Variants in COL22A1 observed in about 807,000 individuals in gnomAD.
COL22A1 encodes the protein collagen alpha-1(XXII) chain.
In COL22A1, 221 loss-of-function variants were observed where a neutral mutation model predicts 248.9. That is an observed-to-expected ratio of 0.89 (90% confidence interval 0.80 to 0.99). COL22A1 has a LOEUF of 0.99. Among genes scored for constraint, COL22A1 ranks in the 50% least tolerant of loss-of-function variants. COL22A1 has a pLI of 0.00. For synonymous variants in COL22A1, 891 were observed against 793.4 expected, an observed-to-expected ratio of 1.12 and a Z score of -2.07; for missense variants, 2,240 against 2,179.0, an observed-to-expected ratio of 1.03 and a Z score of -0.56.
At chr8:138,803,011 C>T (rs1451457910) in intron 10 of COL22A1, 77 bp from the exon 11 acceptor site, 10 of 1,149,944 alleles carry the variant, frequency 8.7e-6, no homozygotes, top group African/African-American at 1.5e-5. Context: ...ACCCTCACGG[C>T]CAACCTTGCT....
chr8:138,767,533 C>G (rs1047081825), intron 16 of COL22A1, among the ~76,000 whole-genome samples: 1 of 152,188 alleles, frequency 6.6e-6, no homozygotes, highest in Non-Finnish European at 1.5e-5. Flanking sequence ...TACTCTGATT[C>G]TCATATCCGG....
intron 57 of COL22A1, among the ~76,000 whole-genome samples, chr8:138,606,824 C>T (rs562002574): frequency 2.6e-5 from 4 of 152,230 alleles, no homozygotes; most frequent in African/African-American, 7.2e-5. Flanking sequence ...GGTAGAATCA[C>T]ATTTTGGGAA....
At chr8:138,802,476 C>A (rs1817080656) in intron 11 of COL22A1, among the ~76,000 whole-genome samples, 1 of 151,696 alleles carries the variant, frequency 6.6e-6, no homozygotes, top group South Asian at 2.1e-4. Context: ...GATGAGAACT[C>A]ATGAGCCAAG....
At chr8:138,736,614 G>A (rs968941119) in intron 23 of COL22A1, among the ~76,000 whole-genome samples, 23 of 152,204 alleles carry the variant, frequency 1.5e-4, no homozygotes, top group Middle Eastern at 3.4e-3. Flanking sequence ...CCACATGGCC[G>A]GCACTAGGAT....
At chr8:138,724,781 G>A in intron 24 of COL22A1, 113 bp from the exon 25 acceptor site, 4 of 970,984 alleles carry the variant, frequency 4.1e-6, no homozygotes, top group East Asian at 2.4e-5. Context: ...AGGGCACCCT[G>A]GGGCCTCTAC....
At chr8:138,877,684 C>T (rs990282165) in intron 3 of COL22A1, 66 bp downstream of exon 3, 2 of 1,463,646 alleles carry the variant, frequency 1.4e-6, no homozygotes, top group South Asian at 1.4e-5. Flanking sequence ...CCCGAGGACC[C>T]CTCCCGTGGG....
intron 4 of COL22A1, among the ~76,000 whole-genome samples, chr8:138,843,534 G>C (rs1821031218): frequency 6.6e-6 from 1 of 152,172 alleles, no homozygotes; most frequent in African/African-American, 2.4e-5. Context: ...CTGGATCCAT[G>C]TTCGGGTAAT....
chr8:138,757,690 C>T (rs557745260), intron 18 of COL22A1, among the ~76,000 whole-genome samples: 6 of 152,366 alleles, frequency 3.9e-5, no homozygotes, highest in South Asian at 2.1e-4. Flanking sequence ...GATTCACTCT[C>T]GTTCCCTATG....
At chr8:138,863,420 G>A (rs1822634380) in intron 3 of COL22A1, among the ~76,000 whole-genome samples, 1 of 152,200 alleles carries the variant, frequency 6.6e-6, no homozygotes, top group Non-Finnish European at 1.5e-5. Context: ...GCAGTGAGGA[G>A]GGCGATGAGC....
At chr8:138,849,425 G>A (rs1043763459) in intron 3 of COL22A1, among the ~76,000 whole-genome samples, 1 of 152,166 alleles carries the variant, frequency 6.6e-6, no homozygotes, top group African/African-American at 2.4e-5. Context: ...AAGAAAGGGG[G>A]ACTAACTTCT....
At chr8:138,844,478 A>G (rs1166154331) in intron 3 of COL22A1, among the ~76,000 whole-genome samples, 1 of 152,228 alleles carries the variant, frequency 6.6e-6, no homozygotes, top group Non-Finnish European at 1.5e-5. Flanking sequence ...ACATAGCGGA[A>G]TAAGTTGTAG....
intron 61 of COL22A1, among the ~76,000 whole-genome samples, chr8:138,597,655 C>T (rs1817651375): frequency 1.3e-5 from 2 of 152,248 alleles, no homozygotes; most frequent in African/African-American, 2.4e-5. Context: ...AGGGCACTGT[C>T]TACCCCTCAA....
intron 47 of COL22A1, among the ~76,000 whole-genome samples, chr8:138,640,519 T>A (rs1410627998): frequency 6.6e-6 from 1 of 152,122 alleles, no homozygotes; most frequent in African/African-American, 2.4e-5. Flanking sequence ...AACCCTCCAA[T>A]GCAATTAAAA....
At chr8:138,846,730 T>A (rs1028311316) in intron 3 of COL22A1, among the ~76,000 whole-genome samples, 1 of 152,202 alleles carries the variant, frequency 6.6e-6, no homozygotes, top group African/African-American at 2.4e-5. Context: ...GGCCAAGATA[T>A]CCCCACATCT....
intron 6 of COL22A1, among the ~76,000 whole-genome samples, chr8:138,822,649 A>G (rs1346375237): frequency 6.6e-6 from 1 of 152,104 alleles, no homozygotes; most frequent in Non-Finnish European, 1.5e-5. Flanking sequence ...CTGACCTTTT[A>G]GGACTTCTTC....
At chr8:138,892,662 A>G (rs1340479884) in intron 1 of COL22A1, among the ~76,000 whole-genome samples, 1 of 152,230 alleles carries the variant, frequency 6.6e-6, no homozygotes, top group Admixed American at 6.5e-5. Context: ...CAATTAATTT[A>G]GTGAGCTGAG....
chr8:138,728,054 A>G (rs995397905), intron 23 of COL22A1, among the ~76,000 whole-genome samples: 1 of 152,134 alleles, frequency 6.6e-6, no homozygotes. Flanking sequence ...GTTTTTTGAG[A>G]TAGGGTCTTG....
chr8:138,767,500 A>G (rs371536733), intron 16 of COL22A1, among the ~76,000 whole-genome samples: 43 of 152,226 alleles, frequency 2.8e-4, no homozygotes, highest in African/African-American at 9.6e-4. Context: ...AAAAGGAAAA[A>G]GCCAGCTGTA....
chr8:138,826,682 G>C lies in COL22A1; in HGVS notation c.945C>G (p.Val315=). 6.2e-7 allele frequency: 1 copy of C among 1,613,878 alleles called. No individual in the cohort carries two copies. Among genetic ancestry groups the C allele is most frequent in the East Asian group, 2.2e-5 (1 of 44,864 alleles). ...CCTGTGGGATGCTGTACTGGTCGAT[G>C]ACCTGCCAGATATACCAGTCTTCCT... ...SRKEDWYIWQ[V]IDQYSIPQVS... is the part of the protein sequence containing the mutation. Residue 315 remains valine, a synonymous_variant, in exon 6 of 65, where the codon GTC becomes GTG. Coordinates refer to ENST00000303045, the MANE Select transcript of COL22A1 (RefSeq NM_152888.3).
Sources: allele counts gnomAD v4.1 joint callset (sites outside exome capture counted in the v4.1 genomes callset), GRCh38; gene constraint gnomAD v4.1.1; transcripts MANE v1.5; gene names NCBI Gene and HGNC (gene_info 2026-07-23, HGNC 2026-07-21).